Variants in MAD1L1 observed in about 807,000 individuals in gnomAD.
MAD1L1 encodes mitotic arrest deficient 1 like 1.
In MAD1L1, 95 loss-of-function variants were observed where a neutral mutation model predicts 96.9. The observed-to-expected ratio is 0.98, with a 90% CI of 0.83 to 1.16. MAD1L1 has a LOEUF of 1.16. Among genes scored for constraint, MAD1L1 ranks in the 50% most tolerant of loss-of-function variants. The pLI is 0.00. For synonymous variants in MAD1L1, 473 were observed against 396.6 expected, an observed-to-expected ratio of 1.19 and a Z score of -2.29; for missense variants, 1,007 against 954.4, an observed-to-expected ratio of 1.06 and a Z score of -0.73.
intron 5 of MAD1L1, among the ~76,000 whole-genome samples, chr7:2,220,612 G>A (rs751829787): frequency 2.6e-5 from 4 of 152,182 alleles, no homozygotes; most frequent in East Asian, 3.9e-4. Flanking sequence ...GGCACCCTCC[G>A]CAAACAAGGA....
chr7:1,853,171 A>C (rs1382190811), intron 18 of MAD1L1, among the ~76,000 whole-genome samples: 1 of 152,182 alleles, frequency 6.6e-6, no homozygotes, highest in African/African-American at 2.4e-5. Context: ...CTGATGCGGA[A>C]GGGACTGCGG....
chr7:1,986,556 C>T lies in MAD1L1; in HGVS notation c.1417-6015G>A, dbSNP rs117653448. On this transcript the variant is annotated intron_variant, in intron 14 of 18. Coordinates refer to ENST00000265854, the MANE Select transcript of MAD1L1 (RefSeq NM_001013836.2). Reference sequence around the variant, plus strand: ...GCGCCGGCAAGGGGGTTCTACTCCGCGGCTCCCTCATGGAGCTGCCTCCAC... The same window carrying T: ...GCGCCGGCAAGGGGGTTCTACTCCGTGGCTCCCTCATGGAGCTGCCTCCAC... Among the ~76,000 whole-genome samples, 854 of 149,912 alleles carry T rather than the reference C, an allele frequency of 5.7e-3. 2 individuals carry two copies. The highest frequency in any genetic ancestry group is 0.023 in the South Asian group (106 of 4,670).
At chr7:1,830,295 G>A (rs1049125583) in intron 18 of MAD1L1, among the ~76,000 whole-genome samples, 1 of 152,250 alleles carries the variant, frequency 6.6e-6, no homozygotes, top group Non-Finnish European at 1.5e-5. Context: ...TACTCGGGAG[G>A]CTGAGGCAGG....
At chr7:1,862,669 A>T (rs996093373) in intron 18 of MAD1L1, among the ~76,000 whole-genome samples, 1 of 152,258 alleles carries the variant, frequency 6.6e-6, no homozygotes, top group African/African-American at 2.4e-5. Flanking sequence ...CGGTCTGCCT[A>T]CAGGCCTGTT....
At chr7:1,862,316 C>T (rs1422102199) in intron 18 of MAD1L1, among the ~76,000 whole-genome samples, 1 of 152,218 alleles carries the variant, frequency 6.6e-6, no homozygotes. Flanking sequence ...GCCACGGGTC[C>T]CCTGGGAGGC....
intron 11 of MAD1L1, among the ~76,000 whole-genome samples, chr7:2,117,006 T>G (rs1787738655): frequency 6.6e-6 from 1 of 152,172 alleles, no homozygotes; most frequent in Admixed American, 6.5e-5. Flanking sequence ...AAACCCGACC[T>G]TGGGGAGCTC....
At chr7:1,920,201 T>C (rs1788691423) in intron 17 of MAD1L1, among the ~76,000 whole-genome samples, 1 of 152,186 alleles carries the variant, frequency 6.6e-6, no homozygotes, top group African/African-American at 2.4e-5. Context: ...TGCCTGTCAT[T>C]GCGTGAGCCA....
At chr7:1,928,050 C>T (rs531399531) in intron 17 of MAD1L1, among the ~76,000 whole-genome samples, 15 of 152,334 alleles carry the variant, frequency 9.8e-5, no homozygotes, top group Admixed American at 6.5e-4. Flanking sequence ...CCTTGGCTGA[C>T]GTCACATCAC....
At chr7:2,136,314 G>A (rs1378118951) in intron 11 of MAD1L1, among the ~76,000 whole-genome samples, 2 of 152,174 alleles carry the variant, frequency 1.3e-5, no homozygotes, top group Non-Finnish European at 1.5e-5. Flanking sequence ...AGCCAGCCCT[G>A]AGCTCACAAG....
chr7:1,825,977 G>A (rs1177496142), intron 18 of MAD1L1, among the ~76,000 whole-genome samples: 4 of 152,138 alleles, frequency 2.6e-5, no homozygotes, highest in Non-Finnish European at 4.4e-5. Context: ...GTTGGAGGTC[G>A]GCGCGGCCCC....
chr7:1,867,924 T>C (rs1249252387), intron 18 of MAD1L1, among the ~76,000 whole-genome samples: 2 of 152,232 alleles, frequency 1.3e-5, no homozygotes, highest in Admixed American at 1.3e-4. Context: ...GCAGTGTCTG[T>C]GCTCGCTTCT....
At chr7:1,899,004 C>T (rs1028784463) in intron 17 of MAD1L1, among the ~76,000 whole-genome samples, 1 of 152,172 alleles carries the variant, frequency 6.6e-6, no homozygotes, top group African/African-American at 2.4e-5. Context: ...CGGGACGTTC[C>T]GGATCCTACT....
intron 11 of MAD1L1, among the ~76,000 whole-genome samples, chr7:2,086,151 T>A (rs1051501275): frequency 3.9e-5 from 6 of 152,180 alleles, no homozygotes; most frequent in Non-Finnish European, 8.8e-5. Context: ...GACAAGCAAC[T>A]GAGCTCCTAA....
intron 16 of MAD1L1, among the ~76,000 whole-genome samples, chr7:1,946,699 C>T (rs956962787): frequency 2.0e-5 from 3 of 152,342 alleles, no homozygotes; most frequent in East Asian, 1.9e-4. Flanking sequence ...GGCAGGTCCC[C>T]GGCCACTTGC....
intron 18 of MAD1L1, among the ~76,000 whole-genome samples, chr7:1,895,683 G>C (rs1019642184): frequency 2.0e-5 from 3 of 152,256 alleles, no homozygotes; most frequent in African/African-American, 7.2e-5. Context: ...GGGGAGCGGG[G>C]CCTCTGCGGG....
At chr7:1,979,045 G>A (rs557696211) in intron 15 of MAD1L1, among the ~76,000 whole-genome samples, 180 of 152,314 alleles carry the variant, frequency 1.2e-3, no homozygotes, top group East Asian at 1.7e-3. Flanking sequence ...TTCCTGGGCC[G>A]GGGCCACACT....
intron 10 of MAD1L1, among the ~76,000 whole-genome samples, chr7:2,190,320 G>C (rs1238193255): frequency 6.6e-6 from 1 of 152,080 alleles, no homozygotes; most frequent in African/African-American, 2.4e-5. Flanking sequence ...ACGTATTGTG[G>C]GGCAGGAAAG....
chr7:2,014,710 G>C (rs1782457376), intron 12 of MAD1L1, 68 bp from the exon 13 acceptor site: 1 of 1,507,906 alleles, frequency 6.6e-7, no homozygotes, highest in East Asian at 2.4e-5. Context: ...AGACGGCTCA[G>C]GGAAGGCCCC....
At chr7:2,134,039 T>G (rs1184792288) in intron 11 of MAD1L1, among the ~76,000 whole-genome samples, 3 of 152,242 alleles carry the variant, frequency 2.0e-5, no homozygotes, top group Non-Finnish European at 4.4e-5. Context: ...ATATAAACTT[T>G]AGAATCTGTT....
Sources: gnomAD v4.1 joint callset for allele counts (sites outside exome capture counted in the v4.1 genomes callset) on GRCh38, gnomAD v4.1.1 for gene constraint, MANE v1.5 for transcripts, NCBI Gene and HGNC (gene_info 2026-07-23, HGNC 2026-07-21) for gene names.